PDE1C: variants seen among roughly 807,000 people sequenced by gnomAD.
The protein encoded by PDE1C is phosphodiesterase 1C.
PDE1C carries 62 observed loss-of-function variants against 93.1 expected under a neutral mutation model. The observed-to-expected ratio is 0.67, with a 90% CI of 0.54 to 0.82. The LOEUF is 0.82. Among genes scored for constraint, PDE1C ranks in the 40% least tolerant of loss-of-function variants. PDE1C has a pLI of 0.00. For synonymous variants in PDE1C, 325 were observed against 310.1 expected, an observed-to-expected ratio of 1.05 and a Z score of -0.50; for missense variants, 742 against 884.6, an observed-to-expected ratio of 0.84 and a Z score of 2.04.
In PDE1C at chr7:31,849,182, G is replaced by A. The variant is rs547644925; in HGVS notation, c.852-1086C>T. ...TTAGATACCAACTGATGTATATTTC[G>A]TGACACTTTTCCACCTCCTGTAATA... On this transcript the variant is annotated intron_variant, in intron 8 of 17. Coordinates refer to ENST00000396191, the MANE Select transcript of PDE1C (RefSeq NM_001191057.4). 1.2e-3 allele frequency among the ~76,000 whole-genome samples: 190 copies of A among 152,270 alleles called. 1 individual carries two copies. Among genetic ancestry groups the A allele is most frequent in the African/African-American group, 4.1e-3 (170 of 41,566 alleles).
chr7:31,789,128 T>A (rs866524539), intron 16 of PDE1C: 1 of 152,144 alleles, frequency 6.6e-6, no homozygotes, highest in Non-Finnish European at 1.5e-5. Flanking sequence ...GTGTGACCAA[T>A]AACCACATTT....
chr7:32,275,387 G>A (rs1407119903), intron 1 of PDE1C, among the ~76,000 whole-genome samples: 1 of 152,112 alleles, frequency 6.6e-6, no homozygotes, highest in Non-Finnish European at 1.5e-5. Context: ...AGCCAAGCAG[G>A]CTCCTGATGA....
chr7:31,784,446 C>T (rs1783706309), intron 16 of PDE1C: 1 of 152,120 alleles, frequency 6.6e-6, no homozygotes, highest in Non-Finnish European at 1.5e-5. Flanking sequence ...CCCATCTATC[C>T]CCAGCGACCT....
the PDE1C span, among the ~76,000 whole-genome samples, chr7:31,620,227 T>A: frequency 6.6e-6 from 1 of 152,032 alleles, no homozygotes; most frequent in Non-Finnish European, 1.5e-5. Flanking sequence ...GACTTAAATG[T>A]CCCTGTCTGA....
At chr7:31,653,031 T>C in the PDE1C span, 1 of 1,331,360 alleles carries the variant, frequency 7.5e-7, no homozygotes, top group African/African-American at 1.5e-5. Flanking sequence ...GCACCTAGTA[T>C]GTGCCTGGCA....
At chr7:31,739,696 G>C in the PDE1C span, among the ~76,000 whole-genome samples, 1 of 152,102 alleles carries the variant, frequency 6.6e-6, no homozygotes, top group Admixed American at 6.5e-5. Context: ...TTATGGTCAC[G>C]TAGAAGCACA....
At chr7:32,002,198 G>T (rs1785555867) in intron 2 of PDE1C, among the ~76,000 whole-genome samples, 1 of 152,164 alleles carries the variant, frequency 6.6e-6, no homozygotes, top group Non-Finnish European at 1.5e-5. Flanking sequence ...ACATATGTAT[G>T]TAAGTTTCTC....
chr7:31,948,631 T>C (rs1387051689), intron 2 of PDE1C, among the ~76,000 whole-genome samples: 1 of 152,190 alleles, frequency 6.6e-6, no homozygotes, highest in Non-Finnish European at 1.5e-5. Context: ...GTCCCTGTCA[T>C]TGATGTTTCC....
At chr7:31,854,645 C>A (rs181025389) in intron 7 of PDE1C, among the ~76,000 whole-genome samples, 5 of 152,216 alleles carry the variant, frequency 3.3e-5, no homozygotes, top group African/African-American at 1.2e-4. Context: ...AAGGACATGG[C>A]CAATTTCTCA....
At chr7:31,807,229 T>C (rs192012246) in intron 16 of PDE1C, among the ~76,000 whole-genome samples, 1 of 152,038 alleles carries the variant, frequency 6.6e-6, no homozygotes, top group Admixed American at 6.6e-5. Flanking sequence ...AGGACCTACT[T>C]GAGGAAGTGG....
chr7:31,624,158 G>T, the PDE1C span, among the ~76,000 whole-genome samples: 1 of 150,760 alleles, frequency 6.6e-6, no homozygotes, highest in Admixed American at 6.6e-5. Flanking sequence ...CATGCTCATG[G>T]GTAGGAAGAG....
chr7:32,032,921 G>A (rs1045112834), intron 2 of PDE1C, among the ~76,000 whole-genome samples: 6 of 152,126 alleles, frequency 3.9e-5, no homozygotes, highest in African/African-American at 1.4e-4. Context: ...AGCAAAGCTC[G>A]GGTACACAAG....
chr7:31,688,598 C>A, the PDE1C span, among the ~76,000 whole-genome samples: 1 of 152,348 alleles, frequency 6.6e-6, no homozygotes, highest in African/African-American at 2.4e-5. Context: ...TGACCTTTGT[C>A]ATTAACAATC....
At chr7:32,208,430 G>T (rs1292159881) in intron 2 of PDE1C, among the ~76,000 whole-genome samples, 1 of 151,990 alleles carries the variant, frequency 6.6e-6, no homozygotes, top group Non-Finnish European at 1.5e-5. Context: ...AAGTCAGATG[G>T]CACGTCAGCT....
At chr7:31,651,240 CTT>C in the PDE1C span, 1 of 1,613,546 alleles carries the variant, frequency 6.2e-7, no homozygotes, top group Non-Finnish European at 8.5e-7. Context: ...AGCAGGCCCT[CTT>C]TTCCAGGGAC....
At chr7:31,792,150 C>T (rs1335590249) in intron 16 of PDE1C, among the ~76,000 whole-genome samples, 1 of 152,044 alleles carries the variant, frequency 6.6e-6, no homozygotes, top group Non-Finnish European at 1.5e-5. Context: ...CAAACACATG[C>T]CCTCTAAAAG....
intron 2 of PDE1C, among the ~76,000 whole-genome samples, chr7:32,035,899 G>T (rs568359187): frequency 2.0e-5 from 3 of 152,178 alleles, no homozygotes; most frequent in Non-Finnish European, 4.4e-5. Flanking sequence ...AACGTGCCTG[G>T]TCAATTGTGA....
At chr7:31,695,516 C>G in the PDE1C span, 1 of 1,613,312 alleles carries the variant, frequency 6.2e-7, no homozygotes, top group East Asian at 2.2e-5. Context: ...CAAAAAGAAG[C>G]CTAGAAAGGG....
intron 1 of PDE1C, among the ~76,000 whole-genome samples, chr7:32,343,104 C>T (rs540450080): frequency 6.6e-6 from 1 of 152,230 alleles, no homozygotes; most frequent in African/African-American, 2.4e-5. Context: ...AGGCTGCCAA[C>T]AAGGACTTGT....
Sources: gnomAD v4.1 joint callset for allele counts (sites outside exome capture counted in the v4.1 genomes callset) on GRCh38, gnomAD v4.1.1 for gene constraint, MANE v1.5 for transcripts, NCBI Gene and HGNC (gene_info 2026-07-23, HGNC 2026-07-21) for gene names.